ARHGEF28: variants seen among roughly 807,000 people sequenced by gnomAD.
ARHGEF28 encodes the protein 190 kDa guanine nucleotide exchange factor.
In ARHGEF28, 152 loss-of-function variants were observed where a neutral mutation model predicts 206.6. The observed-to-expected ratio is 0.74, with a 90% CI of 0.64 to 0.84. ARHGEF28 has a LOEUF of 0.84. Ranked by LOEUF, ARHGEF28 falls within the 40% of genes least tolerant of loss-of-function variation. The pLI is 0.00. For synonymous variants in ARHGEF28, 763 were observed against 776.4 expected (o/e 0.98, Z 0.29); for missense variants, 2,028 against 2,073.2 (o/e 0.98, Z 0.42).
At chr5:73,705,499 A>G (rs900563533) in intron 2 of ARHGEF28, among the ~76,000 whole-genome samples, 1 of 152,222 alleles carries the variant, frequency 6.6e-6, no homozygotes, top group African/African-American at 2.4e-5. Context: ...GCACATAATA[A>G]GCACTCAATA....
chr5:73,634,534 G>A (rs1743576852), intron 1 of ARHGEF28, among the ~76,000 whole-genome samples: 2 of 152,174 alleles, frequency 1.3e-5, no homozygotes, highest in Non-Finnish European at 2.9e-5. Context: ...AACATGAAAT[G>A]CCTTCTGTCT....
chr5:73,786,068 A>T (rs1468445699), intron 7 of ARHGEF28, among the ~76,000 whole-genome samples: 1 of 152,036 alleles, frequency 6.6e-6, no homozygotes, highest in East Asian at 1.9e-4. Flanking sequence ...AAAAAAAAAA[A>T]AAAAAAAAGG....
chr5:73,827,192 C>T (rs1200489379), intron 9 of ARHGEF28, among the ~76,000 whole-genome samples: 1 of 152,032 alleles, frequency 6.6e-6, no homozygotes, highest in Non-Finnish European at 1.5e-5. Context: ...TAACCATGTC[C>T]AGGATAGATT....
intron 2 of ARHGEF28, among the ~76,000 whole-genome samples, chr5:73,748,312 A>G (rs2112392671): frequency 6.6e-6 from 1 of 151,942 alleles, no homozygotes; most frequent in East Asian, 1.9e-4. Context: ...GCTCATATGC[A>G]GAAAAAGGGC....
chr5:73,749,936 A>T lies in ARHGEF28; in HGVS notation c.133A>T (p.Met45Leu), dbSNP rs200289106. The T allele has an allele frequency of 3.1e-6, 5 of 1,613,924 alleles. No homozygotes were observed. The highest frequency in any genetic ancestry group is 4.2e-6 in the Non-Finnish European group (5 of 1,179,912). Residue 45 changes from methionine (M) to leucine (L), a missense_variant, in exon 3 of 36, where the codon ATG (methionine) becomes TTG (leucine). By Grantham distance (15) the Met-to-Leu change is conservative (BLOSUM62 2). This residue lies in a region of ARHGEF28 where 1,002 missense variants were observed against 1,015.3 expected (regional missense o/e 0.99). Coordinates refer to ENST00000513042, the MANE Select transcript of ARHGEF28 (RefSeq NM_001177693.2). ...TYDGSHQRHV[M>L]IAERIEDNVL... ...TGACGGATCTCATCAGCGACATGTC[A>T]TGATTGCAGAGCGCATCGAGGATAA... is the stretch of plus-strand genomic sequence containing the variant.
intron 1 of ARHGEF28, among the ~76,000 whole-genome samples, chr5:73,652,582 A>C (rs1744902259): frequency 6.6e-6 from 1 of 152,228 alleles, no homozygotes; most frequent in South Asian, 2.1e-4. Context: ...TAAGAAATAA[A>C]GAGTCTTTGT....
rs191148843 is a variant in ARHGEF28 at position 73,643,720 on chromosome 5, T to C, written c.-12+17398T>C. Among the ~76,000 whole-genome samples the C allele has an allele frequency of 4.8e-4, 72 of 151,244 alleles. 1 individual carries two copies. Among genetic ancestry groups the C allele is most frequent in the African/African-American group, 1.7e-3 (69 of 40,974 alleles). The stretch of plus-strand genomic sequence containing the variant: ...GTCCCAGCTACTCAGGAGGCTGAGA[T>C]GTGAGGATCGCTTGCACCCAGGAGG... On this transcript the variant is annotated intron_variant, in intron 1 of 35. Transcript: ENST00000513042.
At chr5:73,634,071 A>G (rs902484985) in intron 1 of ARHGEF28, among the ~76,000 whole-genome samples, 1 of 151,864 alleles carries the variant, frequency 6.6e-6, no homozygotes, top group Non-Finnish European at 1.5e-5. Flanking sequence ...ATTTTTTCCT[A>G]GTCTTTTAGA....
At chr5:73,722,920 TG>T (rs1360953914) in intron 2 of ARHGEF28, among the ~76,000 whole-genome samples, 1 of 152,254 alleles carries the variant, frequency 6.6e-6, no homozygotes, top group Non-Finnish European at 1.5e-5. Context: ...ACCGTCATCT[TG>T]AGGCCTTAAA....
chr5:73,626,463 C>G (rs966710688), intron 1 of ARHGEF28, 141 bp downstream of exon 1: 2 of 152,178 alleles, frequency 1.3e-5, no homozygotes, highest in African/African-American at 4.8e-5. Context: ...GACCGGGGAA[C>G]CGCTGCAGGC....
chr5:73,730,831 A>G (rs1280071192), intron 2 of ARHGEF28, among the ~76,000 whole-genome samples: 1 of 152,164 alleles, frequency 6.6e-6, no homozygotes, highest in Non-Finnish European at 1.5e-5. Flanking sequence ...AGTTTATCCT[A>G]AAAATTAAGT....
chr5:73,891,718 T>C (rs1761648943), intron 26 of ARHGEF28, among the ~76,000 whole-genome samples: 1 of 151,876 alleles, frequency 6.6e-6, no homozygotes, highest in Non-Finnish European at 1.5e-5. Context: ...ATAGATGGGG[T>C]TTCACCACAT....
At chr5:73,655,160 T>C (rs956335054) in intron 1 of ARHGEF28, among the ~76,000 whole-genome samples, 15 of 152,220 alleles carry the variant, frequency 9.9e-5, no homozygotes, top group African/African-American at 3.4e-4. Flanking sequence ...TGGACAGCTT[T>C]TACAATGTGC....
chr5:73,664,910 G>A (rs1364183895), intron 1 of ARHGEF28, among the ~76,000 whole-genome samples: 5 of 152,046 alleles, frequency 3.3e-5, no homozygotes, highest in Non-Finnish European at 7.4e-5. Context: ...CTTGGTCAAT[G>A]GCACCATCCA....
intron 4 of ARHGEF28, among the ~76,000 whole-genome samples, chr5:73,773,309 G>C (rs937402732): frequency 6.6e-6 from 1 of 152,220 alleles, no homozygotes; most frequent in African/African-American, 2.4e-5. Context: ...ATAATCTCAG[G>C]GATTTAGTAG....
intron 11 of ARHGEF28, among the ~76,000 whole-genome samples, chr5:73,843,171 T>C (rs1386127629): frequency 1.3e-5 from 2 of 152,158 alleles, no homozygotes; most frequent in African/African-American, 4.8e-5. Flanking sequence ...CATGGTCTTG[T>C]CTTGGAAAGT....
In ARHGEF28 at chr5:73,780,688, G is replaced by A. The variant is rs1262796174; in HGVS notation, c.853G>A (p.Glu285Lys). 6.4e-7 allele frequency: 1 copy of A among 1,555,530 alleles called. No homozygotes were observed. The highest frequency in any genetic ancestry group is 8.7e-7 in the Non-Finnish European group (1 of 1,149,400). ...CATTGTTTCCTAGGCCTTTGAGCCA[G>A]AAGCCAGGCCAGAGGAAAGAACAGC... ...RAFLVKAFEP[E>K]ARPEERTAMP... The change falls in exon 7 of 36, where the codon GAA becomes AAA. Residue 285 changes from glutamate to lysine, a missense_variant. Transcript: ENST00000513042.
chr5:73,782,031 G>A (rs1338895374), intron 7 of ARHGEF28, among the ~76,000 whole-genome samples: 1 of 151,534 alleles, frequency 6.6e-6, no homozygotes, highest in Admixed American at 6.6e-5. Flanking sequence ...TTAATAGCTG[G>A]TCAATACTTT....
intron 2 of ARHGEF28, among the ~76,000 whole-genome samples, chr5:73,702,097 G>A (rs541835801): frequency 6.6e-6 from 1 of 152,264 alleles, no homozygotes; most frequent in East Asian, 1.9e-4. Flanking sequence ...TTTCCAGAAT[G>A]GCTGTATCAT....
Sources: allele counts gnomAD v4.1 joint callset (sites outside exome capture counted in the v4.1 genomes callset), GRCh38; gene constraint gnomAD v4.1.1; regional missense constraint gnomAD v4.1.1; transcripts MANE v1.5; gene names NCBI Gene and HGNC (gene_info 2026-07-23, HGNC 2026-07-21).